The following NEDD9 variants were observed in gnomAD, a reference collection of about 807,000 sequenced individuals.
NEDD9 encodes enhancer of filamentation 1.
In NEDD9, 26 loss-of-function variants were observed where a neutral mutation model predicts 76.6. That is an observed-to-expected ratio of 0.34 (90% confidence interval 0.25 to 0.47). The LOEUF (loss-of-function observed/expected upper bound fraction) is 0.47, where lower values mean the gene tolerates loss of function less well. Ranked by LOEUF, NEDD9 falls within the 20% of genes least tolerant of loss-of-function variation. The pLI, the probability that NEDD9 is intolerant of heterozygous loss-of-function variation, is 1.00. For missense variants in NEDD9, 937 were observed against 1,058.5 expected (o/e 0.89, Z 1.59); for synonymous variants, 392 against 414.2 (o/e 0.95, Z 0.65).
rs375886404 is a variant in NEDD9, at chr6:11,252,732, G to GAA, written c.13-39007_13-39006dup. On this transcript the variant is annotated intron_variant, in intron 3 of 3. Transcript: ENST00000397378. The surrounding 1 kb of genome is among the most constrained non-coding windows in gnomAD (Gnocchi z 4.3). ...CCTAGCCTGCAGTTTCATTTTCCCA[G>GAA]AAAAAAAAAACAACTCTGTCTCTTA... is the stretch of plus-strand genomic sequence containing the variant. Among the ~76,000 whole-genome samples the GAA allele has an allele frequency of 3.8e-3, 534 of 141,976 alleles. 2 individuals are homozygous for GAA. The highest frequency in any genetic ancestry group is 0.013 in the African/African-American group (518 of 39,352). The allele number at this position is 141,976 out of a possible 152,430, so 93.1% of individuals were successfully genotyped here. A position where few individuals can be genotyped will look rare whatever the true frequency, so the allele number is the denominator to read the frequency against.
At chr6:11,189,715 C>T (rs1301920114) in intron 5 of NEDD9, among the ~76,000 whole-genome samples, 1 of 152,072 alleles carries the variant, frequency 6.6e-6, no homozygotes, top group Admixed American at 6.6e-5. Context: ...GAAATTAAGG[C>T]CCAAGGAGGT....
intron 2 of NEDD9, among the ~76,000 whole-genome samples, chr6:11,195,929 G>A: frequency 6.6e-6 from 1 of 152,196 alleles, no homozygotes. Flanking sequence ...GAGAGGCGGA[G>A]GTTGCAGTGG....
chr6:11,192,360 G>A lies in NEDD9; in HGVS notation c.648C>T (p.Ile216=). 1 of 1,591,992 alleles carries A rather than the reference G, an allele frequency of 6.3e-7. No homozygotes were observed. The highest frequency in any genetic ancestry group is 2.3e-5 in the East Asian group (1 of 43,102). Reference sequence around the variant, plus strand: ...ACTCACTCACCCCTTTTGTAGGCGGGATGTCATACACCCCTTGAGGTTTTA... The same window carrying A: ...ACTCACTCACCCCTTTTGTAGGCGGAATGTCATACACCCCTTGAGGTTTTA... ...GEIKPQGVYD[I]PPTKGVYAIP... is the part of the protein sequence containing the mutation. Residue 216 remains isoleucine (I), a synonymous_variant, in exon 4 of 7, where the codon ATC becomes ATT. Coordinates refer to ENST00000379446, the MANE Select transcript of NEDD9 (RefSeq NM_006403.4).
At chr6:11,231,169 G>A (rs1237100669) in intron 1 of NEDD9, among the ~76,000 whole-genome samples, 2 of 152,102 alleles carry the variant, frequency 1.3e-5, no homozygotes, top group East Asian at 3.9e-4. Flanking sequence ...ATTTGTTTCT[G>A]GTTGCATCCT....
intron 1 of NEDD9, among the ~76,000 whole-genome samples, chr6:11,222,914 A>C (rs1759189201): frequency 6.6e-6 from 1 of 152,256 alleles, no homozygotes; most frequent in Non-Finnish European, 1.5e-5. Flanking sequence ...TTTAAGGAGA[A>C]GGAGTAGAAG....
intron 2 of NEDD9, chr6:11,207,565 T>C (rs983607682): frequency 6.6e-6 from 1 of 152,216 alleles, no homozygotes; most frequent in African/African-American, 2.4e-5. Flanking sequence ...GATGATGTCA[T>C]AGGATCTTGG....
At chr6:11,332,997 A>G (rs189554619) in intron 2 of NEDD9, among the ~76,000 whole-genome samples, 4 of 151,808 alleles carry the variant, frequency 2.6e-5, no homozygotes, top group Admixed American at 2.6e-4. Context: ...AAGACAAAGT[A>G]AAAGCAATAA....
intron 1 of NEDD9, among the ~76,000 whole-genome samples, chr6:11,216,414 T>G (rs1758956690): frequency 1.3e-5 from 2 of 152,220 alleles, no homozygotes; most frequent in East Asian, 3.9e-4. Context: ...AATGCCCTTG[T>G]GTCACAGATG....
At chr6:11,310,055 G>T (rs1264106389) in intron 2 of NEDD9, among the ~76,000 whole-genome samples, 19 of 152,176 alleles carry the variant, frequency 1.2e-4, no homozygotes, top group Admixed American at 1.2e-3. Flanking sequence ...TTTCACAGGG[G>T]TGTGTGTCCC....
At chr6:11,209,970 C>CTTTTTTTTT (rs752612102) in intron 2 of NEDD9, among the ~76,000 whole-genome samples, 3 of 131,072 alleles carry the variant, frequency 2.3e-5, no homozygotes, top group Non-Finnish European at 3.2e-5. Context: ...AATTCACTGT[C>CTTTTTTTTT]TTTTTTTTTT....
chr6:11,319,955 TGAATA>T (rs143248345), intron 2 of NEDD9, among the ~76,000 whole-genome samples: 11,710 of 152,086 alleles, frequency 0.077, 579 homozygotes, highest in Admixed American at 0.16. Flanking sequence ...TTGTGAGGAT[TGAATA>T]GAAGAGAGGA....
chr6:11,204,048 A>G (rs1758530580), intron 2 of NEDD9, among the ~76,000 whole-genome samples: 1 of 152,216 alleles, frequency 6.6e-6, no homozygotes, highest in Non-Finnish European at 1.5e-5. Flanking sequence ...AGAATCAGAT[A>G]AGGATATCTG....
chr6:11,273,577 C>T (rs1760358387), intron 3 of NEDD9, among the ~76,000 whole-genome samples: 1 of 152,212 alleles, frequency 6.6e-6, no homozygotes, highest in Non-Finnish European at 1.5e-5. Context: ...TGTGGTCTAG[C>T]CTTCTACTCC....
intron 3 of NEDD9, among the ~76,000 whole-genome samples, chr6:11,280,211 A>C (rs1465399279): frequency 6.6e-6 from 1 of 152,188 alleles, no homozygotes; most frequent in South Asian, 2.1e-4. Flanking sequence ...CTGAGAAACA[A>C]CATGCCAAGG....
chr6:11,268,746 G>GACACACAC (rs200336412), intron 3 of NEDD9, among the ~76,000 whole-genome samples: 32 of 136,590 alleles, frequency 2.3e-4, no homozygotes, highest in African/African-American at 6.9e-4. Context: ...CACACACACA[G>GACACACAC]ACACACACAC....
At chr6:11,193,330 A>G (rs1283304971) in intron 3 of NEDD9, among the ~76,000 whole-genome samples, 1 of 151,188 alleles carries the variant, frequency 6.6e-6, no homozygotes, top group Non-Finnish European at 1.5e-5. Flanking sequence ...AAAAAGAAAA[A>G]AGAAAAATCT....
In NEDD9 at chr6:11,241,934, G is replaced by A. The variant is rs149719823; in HGVS notation, c.13-28207C>T. ...TACAAGGCCTGGTGGAGAGGCGGGTGAGAGGAATGTGGCGGGAACACAGCA... is the reference window on the plus strand; with the variant it reads ...TACAAGGCCTGGTGGAGAGGCGGGTAAGAGGAATGTGGCGGGAACACAGCA... On this transcript the variant is annotated intron_variant, in intron 3 of 3. Coordinates refer to the NEDD9 transcript ENST00000397378. The surrounding 1 kb of genome is among the most constrained non-coding windows in gnomAD (Gnocchi z 4.0). 8.1e-4 allele frequency among the ~76,000 whole-genome samples: 124 copies of A among 152,368 alleles called. No homozygotes were observed. The highest frequency in any genetic ancestry group is 2.8e-3 in the African/African-American group (117 of 41,594).
At chr6:11,245,880 G>A (rs1441973468) in intron 3 of NEDD9, among the ~76,000 whole-genome samples, 1 of 151,936 alleles carries the variant, frequency 6.6e-6, no homozygotes, top group Non-Finnish European at 1.5e-5. Flanking sequence ...GTCATAAAAT[G>A]CCATAAGATG....
intron 2 of NEDD9, among the ~76,000 whole-genome samples, chr6:11,330,661 C>T (rs907296710): frequency 1.3e-4 from 20 of 152,196 alleles, no homozygotes; most frequent in African/African-American, 4.8e-4. Flanking sequence ...AGCCTGTTTC[C>T]TGCTTTTTCT....
Sources: gnomAD v4.1 joint callset for allele counts (sites outside exome capture counted in the v4.1 genomes callset) on GRCh38, gnomAD v4.1.1 for gene constraint, Gnocchi (gnomAD v3.1) non-coding constraint, MANE v1.5 for transcripts, NCBI Gene and HGNC (gene_info 2026-07-23, HGNC 2026-07-21) for gene names.